The following GABRA2 variants were observed in gnomAD, a reference collection of about 807,000 sequenced individuals.
GABRA2 encodes the protein gamma-aminobutyric acid receptor subunit alpha-2.
In GABRA2, 16 loss-of-function variants were observed where a neutral mutation model predicts 48.7. The ratio of observed to expected loss-of-function variants is 0.33; its 90% CI spans 0.22 to 0.50. The LOEUF is 0.50. Ranked by LOEUF, GABRA2 falls within the 20% of genes least tolerant of loss-of-function variation. The pLI, the probability that GABRA2 is intolerant of heterozygous loss-of-function variation, is 0.98. For synonymous variants in GABRA2, 185 were observed against 184.5 expected, an observed-to-expected ratio of 1.00 and a Z score of -0.02; for missense variants, 275 against 535.6, an observed-to-expected ratio of 0.51 and a Z score of 4.80.
At chr4:46,319,969 TA>T (rs545834512) in intron 4 of GABRA2, among the ~76,000 whole-genome samples, 2 of 151,490 alleles carry the variant, frequency 1.3e-5, no homozygotes, top group South Asian at 2.1e-4. Flanking sequence ...AATATTTACT[TA>T]AAAAAAAGAC....
intron 3 of GABRA2, among the ~76,000 whole-genome samples, chr4:46,380,062 AG>A (rs972898929): frequency 2.0e-5 from 3 of 152,178 alleles, no homozygotes; most frequent in African/African-American, 7.2e-5. Context: ...TTTGCTGTTG[AG>A]GTGTCTGGTA....
intron 8 of GABRA2, among the ~76,000 whole-genome samples, chr4:46,299,639 C>G (rs1029835206): frequency 1.3e-4 from 20 of 150,218 alleles, no homozygotes; most frequent in Non-Finnish European, 2.1e-4. Flanking sequence ...GTCTGCTTTG[C>G]GTTGCTTATT....
At chr4:46,356,874 T>C (rs1314416262) in intron 3 of GABRA2, among the ~76,000 whole-genome samples, 1 of 152,158 alleles carries the variant, frequency 6.6e-6, no homozygotes, top group Non-Finnish European at 1.5e-5. Flanking sequence ...ATAGTAACTT[T>C]TGTGACAAGA....
chr4:46,286,999 A>G (rs986049807), intron 8 of GABRA2, among the ~76,000 whole-genome samples: 23 of 152,258 alleles, frequency 1.5e-4, no homozygotes, highest in South Asian at 4.1e-4. Context: ...TTGGTGTTAG[A>G]TCTAAGAATT....
chr4:46,257,893 T>C (rs372136484), intron 9 of GABRA2, among the ~76,000 whole-genome samples: 1 of 151,750 alleles, frequency 6.6e-6, no homozygotes, highest in Non-Finnish European at 1.5e-5. Context: ...GTTGTTGGCT[T>C]ATAAGATTAG....
At chr4:46,349,154 A>G (rs560004970) in intron 3 of GABRA2, among the ~76,000 whole-genome samples, 42 of 152,122 alleles carry the variant, frequency 2.8e-4, no homozygotes, top group African/African-American at 9.4e-4. Context: ...ACCAGAGTGT[A>G]ATGTAAACAT....
At chr4:46,287,056 T>G (rs1041548711) in intron 8 of GABRA2, among the ~76,000 whole-genome samples, 3 of 152,154 alleles carry the variant, frequency 2.0e-5, no homozygotes, top group Non-Finnish European at 4.4e-5. Flanking sequence ...CTTATTTTTT[T>G]CCTAATAGTT....
intron 8 of GABRA2, among the ~76,000 whole-genome samples, chr4:46,265,008 A>AT (rs1717825404): frequency 3.4e-5 from 2 of 58,038 alleles, no homozygotes; most frequent in African/African-American, 1.1e-4. Context: ...TATATGTATA[A>AT]AGAGAGAGAG....
intron 3 of GABRA2, among the ~76,000 whole-genome samples, chr4:46,355,202 G>T (rs1225633745): frequency 6.6e-6 from 1 of 152,050 alleles, no homozygotes; most frequent in African/African-American, 2.4e-5. Flanking sequence ...TTTTTTGCCA[G>T]CATTTTCTTA....
chr4:46,308,729 A>G lies in GABRA2; in HGVS notation c.559+1444T>C, dbSNP rs555876093. On this transcript the variant is annotated intron_variant, in intron 6 of 9. Transcript: ENST00000381620. ...AAAACTATATGCTCAAGCATGCGATATTTCTGCACTCTGTAGATGCAGTAT... is the reference window on the plus strand; with the variant it reads ...AAAACTATATGCTCAAGCATGCGATGTTTCTGCACTCTGTAGATGCAGTAT... 2.0e-5 allele frequency among the ~76,000 whole-genome samples: 3 copies of G among 152,300 alleles called. No individual in the cohort carries two copies. The East Asian group carries it at 5.8e-4, about 29-fold the overall frequency.
intron 8 of GABRA2, among the ~76,000 whole-genome samples, chr4:46,272,404 A>G (rs766327340): frequency 6.6e-6 from 1 of 152,038 alleles, no homozygotes; most frequent in Non-Finnish European, 1.5e-5. Flanking sequence ...ATTTTTTAGG[A>G]TAATTGCAAG....
chr4:46,244,645 A>G lies in GABRA2; in HGVS notation c.*5663T>C, dbSNP rs1409271324. On this transcript the variant is annotated 3_prime_UTR_variant, in exon 10 of 10. Coordinates refer to ENST00000381620, the MANE Select transcript of GABRA2 (RefSeq NM_000807.4). The stretch of plus-strand genomic sequence containing the variant: ...ATGTTATGAAACGAACAATATGACA[A>G]ATGAAAACACATCTCTCCAACCACT... 6.6e-6 allele frequency among the ~76,000 whole-genome samples: 1 copy of G among 151,514 alleles called. No individual in the cohort carries two copies. The highest frequency in any genetic ancestry group is 1.5e-5 in the Non-Finnish European group (1 of 67,648).
chr4:46,362,637 A>C (rs1713395596), intron 3 of GABRA2, among the ~76,000 whole-genome samples: 1 of 152,240 alleles, frequency 6.6e-6, no homozygotes, highest in Admixed American at 6.5e-5. Context: ...AAAAATATTT[A>C]AATGAAATGG....
intron 7 of GABRA2, among the ~76,000 whole-genome samples, chr4:46,304,725 C>T (rs980834710): frequency 2.6e-5 from 4 of 151,654 alleles, no homozygotes; most frequent in Non-Finnish European, 4.4e-5. Flanking sequence ...GTCAGGAGAT[C>T]GAGACCATCC....
chr4:46,384,068 C>A (rs1717118292), intron 3 of GABRA2, among the ~76,000 whole-genome samples: 1 of 152,176 alleles, frequency 6.6e-6, no homozygotes, highest in African/African-American at 2.4e-5. Flanking sequence ...CTAAAGGTAA[C>A]TATATCACAG....
Position 46,247,791 on chromosome 4 carries a change from A to G in GABRA2, c.*2517T>C, listed in dbSNP as rs1340165479. Reference sequence around the variant, plus strand: ...AATCTTGTTCTATAATTTAAAAGCAATTTCCACGGAGCATCCCTAGTCTCC... The same window carrying G: ...AATCTTGTTCTATAATTTAAAAGCAGTTTCCACGGAGCATCCCTAGTCTCC... On this transcript the variant is annotated 3_prime_UTR_variant, in exon 10 of 10. Coordinates refer to ENST00000381620, the MANE Select transcript of GABRA2 (RefSeq NM_000807.4). Among the ~76,000 whole-genome samples, 1 of 151,296 alleles carries G rather than the reference A, an allele frequency of 6.6e-6. No homozygotes were observed. Among genetic ancestry groups the G allele is most frequent in the Admixed American group, 6.6e-5 (1 of 15,114 alleles).
intron 3 of GABRA2, among the ~76,000 whole-genome samples, chr4:46,334,412 T>C (rs915939442): frequency 6.6e-6 from 1 of 152,200 alleles, no homozygotes; most frequent in Non-Finnish European, 1.5e-5. Context: ...ATTACATTTA[T>C]TCAATTAGTA....
intron 8 of GABRA2, among the ~76,000 whole-genome samples, chr4:46,281,932 T>C (rs1007584277): frequency 2.0e-5 from 3 of 152,128 alleles, no homozygotes; most frequent in African/African-American, 7.2e-5. Context: ...CCTGGAATAA[T>C]GCTCTCAAGC....
intron 6 of GABRA2, 71 bp downstream of exon 6, chr4:46,310,102 C>A (rs1578000456): frequency 1.3e-5 from 14 of 1,041,648 alleles, no homozygotes; most frequent in Non-Finnish European, 2.1e-5. Context: ...AAAAACTAGA[C>A]AATTGAGCAG....
Sources: gnomAD v4.1 joint callset for allele counts (sites outside exome capture counted in the v4.1 genomes callset) on GRCh38, gnomAD v4.1.1 for gene constraint, MANE v1.5 for transcripts, NCBI Gene and HGNC (gene_info 2026-07-23, HGNC 2026-07-21) for gene names.